TBL1Y: variants seen among roughly 807,000 people sequenced by gnomAD.
TBL1Y encodes F-box-like/WD repeat-containing protein TBL1Y.
A neutral mutation model predicts 12.0 loss-of-function variants in TBL1Y; 15 were observed. The ratio of observed to expected loss-of-function variants is 1.25; its 90% confidence interval spans 0.83 to 1.92. TBL1Y has a LOEUF of 1.92. TBL1Y is among the 40% of genes most tolerant of loss of function. TBL1Y has a pLI of 0.00. For missense variants in TBL1Y, 148 were observed against 116.7 expected, an observed-to-expected ratio of 1.27 and a Z score of -1.24; for synonymous variants, 53 against 42.6, an observed-to-expected ratio of 1.24 and a Z score of -0.95.
chrY:6,992,023 G>T, intron 3 of TBL1Y, among the ~76,000 whole-genome samples: 1 of 33,910 alleles, frequency 2.9e-5, no homozygotes, highest in Non-Finnish European at 7.3e-5. Context: ...ATGCCACACT[G>T]GGCATCACCT....
At chrY:7,071,881 A>G in intron 12 of TBL1Y, 51 bp downstream of exon 12, 4 of 238,023 alleles carry the variant, frequency 1.7e-5, no homozygotes, top group Non-Finnish European at 2.5e-5. Context: ...CTTATTTACT[A>G]TTTTTCTTTT....
At chrY:6,940,217 G>A in intron 2 of TBL1Y, among the ~76,000 whole-genome samples, 3 of 28,958 alleles carry the variant, frequency 1.0e-4, no homozygotes, top group Non-Finnish European at 2.4e-4. Flanking sequence ...AGCGGAGATC[G>A]CACCACTGCC....
At chrY:6,968,664 A>G (rs768929249) in intron 2 of TBL1Y, among the ~76,000 whole-genome samples, 1 of 32,845 alleles carries the variant, frequency 3.0e-5, no homozygotes, top group South Asian at 7.1e-4. Flanking sequence ...GGTTTTCTCT[A>G]TTTTCTAATT....
At chrY:6,961,547 C>T in intron 2 of TBL1Y, among the ~76,000 whole-genome samples, 1 of 33,069 alleles carries the variant, frequency 3.0e-5, no homozygotes, top group Non-Finnish European at 7.4e-5. Flanking sequence ...AGAAAAACCT[C>T]TCCCCCATGT....
Position 7,064,137 on chromosome Y carries a change from G to A in TBL1Y, c.445G>A (p.Ala149Thr). ...EATVNGEENGAHEINNHSKPM... is the reference protein window; with the variant it reads ...EATVNGEENGTHEINNHSKPM... ...CACAGTGAACGGGGAAGAGAATGGA[G>A]CACATGAAATCAGTGAGTGCGCAGG... Residue 149 changes from alanine (A) to threonine (T), a missense_variant, in exon 8 of 19, where the codon GCA (alanine) becomes ACA (threonine). By Grantham distance (58) the Ala-to-Thr change is moderately conservative. Coordinates refer to ENST00000383032, the MANE Select transcript of TBL1Y (RefSeq NM_033284.2). The A allele has an allele frequency of 2.5e-6, 1 of 398,622 alleles. No homozygotes were observed. Among genetic ancestry groups the A allele is most frequent in the East Asian group, 9.2e-5 (1 of 10,838 alleles).
intron 2 of TBL1Y, among the ~76,000 whole-genome samples, chrY:6,927,516 C>T: frequency 2.9e-5 from 1 of 33,945 alleles, no homozygotes; most frequent in Non-Finnish European, 7.3e-5. Context: ...TGAGGCACTG[C>T]ACCTGGCCTG....
intron 7 of TBL1Y, among the ~76,000 whole-genome samples, chrY:7,047,650 G>A: frequency 3.1e-5 from 1 of 32,620 alleles, no homozygotes; most frequent in Non-Finnish European, 7.4e-5. Context: ...CTGAGAATGT[G>A]GAATTTATTC....
intron 2 of TBL1Y, among the ~76,000 whole-genome samples, chrY:6,973,212 T>C: frequency 3.0e-5 from 1 of 33,036 alleles, no homozygotes; most frequent in Non-Finnish European, 7.4e-5. Flanking sequence ...TTTTCCTTAT[T>C]CACAGAGACT....
At chrY:7,024,387 C>A in intron 5 of TBL1Y, among the ~76,000 whole-genome samples, 1 of 33,624 alleles carries the variant, frequency 3.0e-5, no homozygotes, top group African/African-American at 1.2e-4. Flanking sequence ...ATTCCTATTT[C>A]TCCACATCTT....
chrY:6,945,024 C>CT (rs2011975587), intron 2 of TBL1Y, among the ~76,000 whole-genome samples: 1 of 29,459 alleles, frequency 3.4e-5, no homozygotes, highest in Non-Finnish European at 8.1e-5. Context: ...TTCTACTTTC[C>CT]TTTTTTTCCT....
chrY:7,071,964 C>T, intron 12 of TBL1Y, 134 bp downstream of exon 12: 3 of 168,000 alleles, frequency 1.8e-5, no homozygotes, highest in Non-Finnish European at 3.3e-5. Context: ...GTGGCACCAT[C>T]TCAGCTCACT....
intron 2 of TBL1Y, among the ~76,000 whole-genome samples, chrY:6,952,881 A>G (rs2012042090): frequency 3.0e-5 from 1 of 33,198 alleles, no homozygotes; most frequent in South Asian, 6.8e-4. Context: ...GGTTGTGGCA[A>G]AATCTCTCAG....
intron 2 of TBL1Y, among the ~76,000 whole-genome samples, chrY:6,930,901 G>T: frequency 3.0e-5 from 1 of 32,807 alleles, no homozygotes; most frequent in Non-Finnish European, 7.4e-5. Context: ...TCACTCTTTG[G>T]GTCTGCACCA....
intron 2 of TBL1Y, among the ~76,000 whole-genome samples, chrY:6,968,028 T>C: frequency 6.0e-5 from 2 of 33,290 alleles, no homozygotes; most frequent in Non-Finnish European, 1.5e-4. Context: ...TTGTAGACAC[T>C]GTTTTCTCTC....
chrY:7,069,929 C>A (rs766297841), intron 8 of TBL1Y, among the ~76,000 whole-genome samples: 4 of 33,221 alleles, frequency 1.2e-4, no homozygotes, highest in South Asian at 6.9e-4. Context: ...TGTCCTTGAC[C>A]TCCCAAAGCA....
chrY:6,973,061 CTGT>C (rs2012217281), intron 2 of TBL1Y, among the ~76,000 whole-genome samples: 1 of 32,701 alleles, frequency 3.1e-5, no homozygotes, highest in Non-Finnish European at 7.5e-5. Flanking sequence ...ATGGGTAAGT[CTGT>C]TGTTGTTGAG....
intron 7 of TBL1Y, among the ~76,000 whole-genome samples, chrY:7,062,934 C>A: frequency 2.9e-5 from 1 of 34,101 alleles, no homozygotes; most frequent in Non-Finnish European, 7.3e-5. Context: ...TTACCAGCTC[C>A]CCTGGCTTTT....
intron 6 of TBL1Y, among the ~76,000 whole-genome samples, chrY:7,028,592 G>A: frequency 8.7e-5 from 3 of 34,437 alleles, no homozygotes; most frequent in Admixed American, 5.2e-4. Context: ...TCAAAGCAGC[G>A]CACTCATGGC....
At chrY:6,936,352 G>A (rs2011903831) in intron 2 of TBL1Y, among the ~76,000 whole-genome samples, 1 of 33,930 alleles carries the variant, frequency 2.9e-5, no homozygotes, top group Non-Finnish European at 7.3e-5. Context: ...GTGCTGCTCT[G>A]CCCCCTGGAA....
Sources: gnomAD v4.1 joint callset for allele counts (sites outside exome capture counted in the v4.1 genomes callset) on GRCh38, gnomAD v4.1.1 for gene constraint, MANE v1.5 for transcripts, NCBI Gene and HGNC (gene_info 2026-07-23, HGNC 2026-07-21) for gene names.